ARHGAP26: variants seen among roughly 807,000 people sequenced by gnomAD.
ARHGAP26 encodes the protein Rho GTPase activating protein 26.
Under a neutral mutation model 104.8 loss-of-function variants are expected in ARHGAP26, and 38 were observed. That is an observed-to-expected ratio of 0.36 (90% CI 0.28 to 0.48). The LOEUF is 0.48. Ranked by LOEUF, ARHGAP26 falls within the 20% of genes least tolerant of loss-of-function variation. The pLI is 0.99. For missense variants in ARHGAP26, 704 were observed against 947.9 expected, an observed-to-expected ratio of 0.74 and a Z score of 3.38; for synonymous variants, 341 against 340.0, an observed-to-expected ratio of 1.00 and a Z score of -0.03.
chr5:142,776,363 C>G (rs1032966406), intron 1 of ARHGAP26, among the ~76,000 whole-genome samples: 1 of 152,170 alleles, frequency 6.6e-6, no homozygotes, highest in Non-Finnish European at 1.5e-5. Context: ...ATTTTTAGCA[C>G]CCCGAAAAGC....
intron 5 of ARHGAP26, among the ~76,000 whole-genome samples, chr5:142,890,861 C>G (rs981734738): frequency 3.3e-5 from 5 of 152,222 alleles, no homozygotes; most frequent in African/African-American, 1.2e-4. Flanking sequence ...TTGAGCAGGT[C>G]TCACCAGCTA....
In ARHGAP26 at chr5:143,207,285, G is replaced by C; in HGVS notation, c.2076G>C (p.Thr692=). 6.2e-7 allele frequency: 1 copy of C among 1,613,988 alleles called. No individual in the cohort carries two copies. Among genetic ancestry groups the C allele is most frequent in the South Asian group, 1.1e-5 (1 of 91,062 alleles). ...CCAGCCCTATGCCCACCTCATCCAC[G>C]TCCAGCGACTCATCCCCCGTCAGGT... ...APSSPMPTSS[T]SSDSSPVSTP... The change falls in exon 21 of 23, where the codon ACG becomes ACC. Residue 692 remains threonine (T), a synonymous_variant. Coordinates refer to ENST00000645722, the MANE Select transcript of ARHGAP26 (RefSeq NM_001135608.3).
chr5:142,855,916 T>C (rs1752282964), intron 1 of ARHGAP26, among the ~76,000 whole-genome samples: 1 of 152,244 alleles, frequency 6.6e-6, no homozygotes, highest in African/African-American at 2.4e-5. Flanking sequence ...ACATAGATTT[T>C]TGAATGAATA....
intron 6 of ARHGAP26, among the ~76,000 whole-genome samples, chr5:142,896,298 T>C (rs1247705795): frequency 6.6e-6 from 1 of 152,250 alleles, no homozygotes; most frequent in Non-Finnish European, 1.5e-5. Flanking sequence ...CGATTAATAT[T>C]ATTCCAAATT....
intron 17 of ARHGAP26, among the ~76,000 whole-genome samples, chr5:143,104,473 T>C (rs1411813182): frequency 6.6e-6 from 1 of 152,124 alleles, no homozygotes; most frequent in Non-Finnish European, 1.5e-5. Context: ...ATCACACCAC[T>C]GCACTCCAGT....
intron 1 of ARHGAP26, among the ~76,000 whole-genome samples, chr5:142,851,239 G>C (rs1751455806): frequency 6.6e-6 from 1 of 151,988 alleles, no homozygotes; most frequent in Non-Finnish European, 1.5e-5. Context: ...TGGGATTACA[G>C]ATGTGTGCCA....
intron 1 of ARHGAP26, among the ~76,000 whole-genome samples, chr5:142,831,554 C>G (rs1251003833): frequency 1.3e-5 from 2 of 152,090 alleles, no homozygotes; most frequent in Non-Finnish European, 1.5e-5. Context: ...TTACCTCTGC[C>G]TTGATGTTGT....
At chr5:142,998,515 G>A (rs932283470) in intron 11 of ARHGAP26, among the ~76,000 whole-genome samples, 2 of 152,186 alleles carry the variant, frequency 1.3e-5, no homozygotes, top group Non-Finnish European at 2.9e-5. Context: ...GTAAATGTAT[G>A]TTGGTTGCTC....
chr5:143,106,189 G>C (rs771523633), intron 17 of ARHGAP26, among the ~76,000 whole-genome samples: 48 of 152,168 alleles, frequency 3.2e-4, no homozygotes, highest in Non-Finnish European at 5.3e-4. Flanking sequence ...CTTTCTCCTT[G>C]ATGTAAATTT....
intron 18 of ARHGAP26, among the ~76,000 whole-genome samples, chr5:143,130,861 A>G (rs948127650): frequency 5.9e-5 from 9 of 152,234 alleles, no homozygotes; most frequent in Admixed American, 3.9e-4. Flanking sequence ...CTAATTTGCA[A>G]AAGCACCCTG....
chr5:143,124,941 A>T (rs1486408754), intron 18 of ARHGAP26, among the ~76,000 whole-genome samples: 1 of 152,054 alleles, frequency 6.6e-6, no homozygotes, highest in African/African-American at 2.4e-5. Flanking sequence ...TTTTATGGAG[A>T]GTGCTTTTCC....
chr5:143,177,937 C>T (rs116467820), intron 20 of ARHGAP26, among the ~76,000 whole-genome samples: 3,717 of 147,534 alleles, frequency 0.025, 162 homozygotes, highest in African/African-American at 0.089. Context: ...AAATGAGGGA[C>T]ACTGAGGCTC....
chr5:143,111,951 T>TG (rs1364458647), intron 17 of ARHGAP26, among the ~76,000 whole-genome samples: 1 of 151,896 alleles, frequency 6.6e-6, no homozygotes. Flanking sequence ...CTAGTGCAGC[T>TG]GAGCCTTGAC....
At chr5:142,845,477 T>A (rs1771742802) in intron 1 of ARHGAP26, among the ~76,000 whole-genome samples, 2 of 152,150 alleles carry the variant, frequency 1.3e-5, no homozygotes, top group Admixed American at 1.3e-4. Flanking sequence ...GCCTCTGGGG[T>A]AAAGGGTGAC....
chr5:142,862,638 G>T (rs530335008), intron 1 of ARHGAP26, among the ~76,000 whole-genome samples: 42 of 152,196 alleles, frequency 2.8e-4, no homozygotes, highest in Non-Finnish European at 4.9e-4. Flanking sequence ...CTGTCTGGGT[G>T]CGTGGGCCCT....
chr5:143,153,849 G>A (rs1402420996), intron 20 of ARHGAP26, among the ~76,000 whole-genome samples: 1 of 152,120 alleles, frequency 6.6e-6, no homozygotes, highest in South Asian at 2.1e-4. Context: ...CATGCCAAAC[G>A]CCTGCAGATT....
chr5:142,885,905 A>G (rs1263107087), intron 5 of ARHGAP26, among the ~76,000 whole-genome samples: 1 of 151,562 alleles, frequency 6.6e-6, no homozygotes, highest in East Asian at 1.9e-4. Context: ...ATTGTCCTGT[A>G]TATATTTTGT....
rs1205766803 is a variant in ARHGAP26 at position 143,090,802 on chromosome 5, A to G, written c.1539-30186A>G. ...CGCAGAACATTGGACCAACTACATC[A>G]TAAAAGCTTTACATTGGGGAGCAAG... is the stretch of plus-strand genomic sequence containing the variant. On this transcript the variant is annotated intron_variant, in intron 17 of 22. Coordinates refer to ENST00000645722, the MANE Select transcript of ARHGAP26 (RefSeq NM_001135608.3). Among the ~76,000 whole-genome samples the G allele has an allele frequency of 3.3e-5, 5 of 152,234 alleles. No homozygotes were observed. The South Asian group carries it at 1.0e-3, about 31-fold the overall frequency.
intron 1 of ARHGAP26, among the ~76,000 whole-genome samples, chr5:142,839,827 A>C (rs1770384631): frequency 6.8e-6 from 1 of 146,804 alleles, no homozygotes; most frequent in Admixed American, 6.8e-5. Flanking sequence ...CAAAGAGCTC[A>C]GAGACTGGAG....
Sources: allele counts gnomAD v4.1 joint callset (sites outside exome capture counted in the v4.1 genomes callset), GRCh38; gene constraint gnomAD v4.1.1; transcripts MANE v1.5; gene names NCBI Gene and HGNC (gene_info 2026-07-23, HGNC 2026-07-21).